DNAH17: variants seen among roughly 807,000 people sequenced by gnomAD.
DNAH17 encodes the protein axonemal beta dynein heavy chain 17.
In DNAH17, 376 loss-of-function variants were observed where a neutral mutation model predicts 485.6. The ratio of observed to expected loss-of-function variants is 0.77; its 90% CI spans 0.71 to 0.84. The LOEUF is 0.84. Ranked by LOEUF, DNAH17 falls within the 40% of genes least tolerant of loss-of-function variation. The pLI, the probability that DNAH17 is intolerant of heterozygous loss-of-function variation, is 0.00. For synonymous variants in DNAH17, 3,031 were observed against 2,405.9 expected (o/e 1.26, Z -7.60); for missense variants, 6,370 against 5,839.3 (o/e 1.09, Z -2.96).
chr17:78,543,056 T>C (rs1005416380), intron 17 of DNAH17, among the ~76,000 whole-genome samples: 1 of 152,310 alleles, frequency 6.6e-6, no homozygotes, highest in South Asian at 2.1e-4. Context: ...GGCTTGGAAG[T>C]GTACAGCAAG....
intron 76 of DNAH17, 59 bp downstream of exon 76, chr17:78,429,062 C>G (rs922241027): frequency 1.9e-6 from 3 of 1,568,036 alleles, no homozygotes; most frequent in Non-Finnish European, 2.6e-6. Flanking sequence ...CTGGCAGGCT[C>G]TCACCGGGAG....
intron 48 of DNAH17, among the ~76,000 whole-genome samples, chr17:78,483,243 G>A (rs922443182): frequency 1.3e-5 from 2 of 152,222 alleles, no homozygotes; most frequent in Admixed American, 6.5e-5. Context: ...ATCACAGCCT[G>A]CAGCCCAGAG....
chr17:78,524,807 C>G (rs1454533786), intron 25 of DNAH17, among the ~76,000 whole-genome samples: 2 of 152,298 alleles, frequency 1.3e-5, no homozygotes, highest in East Asian at 1.9e-4. Flanking sequence ...CACCCACATA[C>G]AGAGAGAGGT....
intron 44 of DNAH17, among the ~76,000 whole-genome samples, chr17:78,486,989 T>C (rs1220818721): frequency 5.1e-5 from 2 of 39,062 alleles, no homozygotes; most frequent in African/African-American, 1.1e-4. Flanking sequence ...CTTGGTGCTT[T>C]TTTTTTTTTT....
chr17:78,463,429 C>G (rs2088247378), intron 56 of DNAH17, among the ~76,000 whole-genome samples: 1 of 149,686 alleles, frequency 6.7e-6, no homozygotes, highest in African/African-American at 2.5e-5. Flanking sequence ...TGCATATATA[C>G]ACGTGCATAC....
At chr17:78,432,195 T>TAAATAAATA (rs1555650251) in intron 75 of DNAH17, among the ~76,000 whole-genome samples, 1 of 147,358 alleles carries the variant, frequency 6.8e-6, no homozygotes, top group Non-Finnish European at 1.5e-5. Flanking sequence ...AATAAATAAA[T>TAAATAAATA]AAATAAATAA....
chr17:78,508,642 G>T (rs949141040), intron 27 of DNAH17, among the ~76,000 whole-genome samples: 5 of 152,158 alleles, frequency 3.3e-5, no homozygotes, highest in Non-Finnish European at 5.9e-5. Context: ...TGTGGAAGAG[G>T]GGGATCTATA....
intron 44 of DNAH17, among the ~76,000 whole-genome samples, chr17:78,488,620 T>C (rs1328619856): frequency 6.6e-6 from 1 of 151,962 alleles, no homozygotes; most frequent in Non-Finnish European, 1.5e-5. Context: ...CTCCCACACA[T>C]GGTACAGTGG....
intron 71 of DNAH17, among the ~76,000 whole-genome samples, chr17:78,443,690 T>TA (rs1187233662): frequency 6.6e-6 from 1 of 152,134 alleles, no homozygotes; most frequent in East Asian, 1.9e-4. Context: ...ACTGGGACTA[T>TA]AGGAGCCCGC....
chr17:78,459,103 C>T lies in DNAH17; in HGVS notation c.9759G>A (p.Glu3253=), dbSNP rs1197090927. 1.2e-6 allele frequency: 2 copies of T among 1,614,040 alleles called. No individual in the cohort carries two copies. The highest frequency in any genetic ancestry group is 1.3e-5 in the African/African-American group (1 of 75,062). ...SWCINIVRFY[E]VYCDVAPKRQ... is the part of the protein sequence containing the mutation. ...TCTTGGGCGCCACGTCGCAGTAGAC[C>T]TCGTAGAAGCGGACGATGTTGATGC... The change falls in exon 61 of 81, where the codon GAG becomes GAA. Residue 3253 remains glutamate (E), a synonymous_variant. Coordinates refer to ENST00000389840, the MANE Select transcript of DNAH17 (RefSeq NM_173628.4).
chr17:78,431,051 T>C (rs1319298904), intron 75 of DNAH17, among the ~76,000 whole-genome samples: 14 of 148,418 alleles, frequency 9.4e-5, no homozygotes, highest in Admixed American at 9.4e-4. Context: ...ACTAATTTTT[T>C]TATTTTTTGT....
At position 78,495,965 on chromosome 17, in the gene DNAH17, C is replaced by A. The variant is rs375617434; in HGVS notation, c.5813G>T (p.Gly1938Val). 7.4e-6 allele frequency: 12 copies of A among 1,613,948 alleles called. No homozygotes were observed. The highest frequency in any genetic ancestry group is 4.4e-5 in the South Asian group (4 of 91,088). The change falls in exon 38 of 81, where the codon GGC becomes GTC. Residue 1938 changes from glycine (G) to valine (V), a missense_variant. Transcript: ENST00000389840. ...KAFNFLGEII[G>V]LIPTVGIFIT... is the part of the protein sequence containing the mutation. ...GAAGATACCGACGGTGGGAATGAGG[C>A]CTATGATCTCTCCCAGGAAATTGAA... is the stretch of plus-strand genomic sequence containing the variant.
chr17:78,483,087 T>A (rs1297718180), intron 48 of DNAH17, among the ~76,000 whole-genome samples: 1 of 152,036 alleles, frequency 6.6e-6, no homozygotes, highest in Non-Finnish European at 1.5e-5. Context: ...CCTGTCCTCC[T>A]CTCCTGTCTG....
At chr17:78,552,595 C>T (rs1418005914) in intron 15 of DNAH17, 102 bp downstream of exon 15, 1 of 728,376 alleles carries the variant, frequency 1.4e-6, no homozygotes, top group South Asian at 1.9e-5. Context: ...ATCCACACAG[C>T]CAGGAGGCAG....
At chr17:78,544,283 C>G (rs1351091285) in intron 16 of DNAH17, among the ~76,000 whole-genome samples, 1 of 152,186 alleles carries the variant, frequency 6.6e-6, no homozygotes, top group Non-Finnish European at 1.5e-5. Flanking sequence ...AATGGGGTCA[C>G]TCTCAGGAAA....
chr17:78,504,636 T>C (rs1418035502), intron 31 of DNAH17, among the ~76,000 whole-genome samples: 2 of 152,180 alleles, frequency 1.3e-5, no homozygotes, highest in East Asian at 3.8e-4. Context: ...ATGGTTTCTA[T>C]TGCTTGATCA....
Position 78,546,027 on chromosome 17 carries a change from G to A in DNAH17, c.2392-2030C>T, listed in dbSNP as rs1166122830. ...TCGTGCTTTGTCACTCAGGCTGGAGGGCAGTGGCACAATCTCAGGTCACTG... is the reference window on the plus strand; with the variant it reads ...TCGTGCTTTGTCACTCAGGCTGGAGAGCAGTGGCACAATCTCAGGTCACTG... On this transcript the variant is annotated intron_variant, in intron 16 of 80. Transcript: ENST00000389840. Among the ~76,000 whole-genome samples, 3 of 151,892 alleles carry A rather than the reference G, an allele frequency of 2.0e-5. No homozygotes were observed. In the East Asian group the frequency reaches 5.8e-4, roughly 29 times the overall value.
At chr17:78,572,452 G>T (rs1053039791) in intron 3 of DNAH17, among the ~76,000 whole-genome samples, 4 of 152,122 alleles carry the variant, frequency 2.6e-5, no homozygotes, top group African/African-American at 9.7e-5. Flanking sequence ...CCCAGCGGGG[G>T]GTGTGGGGTG....
intron 16 of DNAH17, among the ~76,000 whole-genome samples, chr17:78,549,417 G>A (rs1020760636): frequency 4.6e-5 from 7 of 152,142 alleles, no homozygotes; most frequent in African/African-American, 1.4e-4. Context: ...CCAAGTGTTT[G>A]CCTTCCCTCC....
Sources: gnomAD v4.1 joint callset for allele counts (sites outside exome capture counted in the v4.1 genomes callset) on GRCh38, gnomAD v4.1.1 for gene constraint, MANE v1.5 for transcripts, NCBI Gene and HGNC (gene_info 2026-07-23, HGNC 2026-07-21) for gene names.